The following SH3KBP1 variants were observed in gnomAD, a reference collection of about 807,000 sequenced individuals.
SH3KBP1 encodes the protein SH3 domain containing kinase binding protein 1.
A neutral mutation model predicts 50.1 loss-of-function variants in SH3KBP1; 8 were observed. That is an observed-to-expected ratio of 0.16 (90% CI 0.09 to 0.29). The LOEUF is 0.29. SH3KBP1 is among the 10% of genes least tolerant of loss of function. The pLI, the probability that SH3KBP1 is intolerant of heterozygous loss-of-function variation, is 1.00. For missense variants in SH3KBP1, 377 were observed against 535.2 expected (o/e 0.70, Z 2.92); for synonymous variants, 227 against 218.6 (o/e 1.04, Z -0.34).
intron 7 of SH3KBP1, 107 bp downstream of exon 7, chrX:19,645,293 G>A (rs1475321819): frequency 1.6e-5 from 9 of 580,452 alleles, no homozygotes; most frequent in East Asian, 6.7e-5. Flanking sequence ...TTTCTGATGC[G>A]TTTGCAAAAG....
At chrX:19,789,421 C>T (rs961389818) in intron 2 of SH3KBP1, among the ~76,000 whole-genome samples, 1 of 111,104 alleles carries the variant, frequency 9.0e-6, no homozygotes, top group Non-Finnish European at 1.9e-5. Flanking sequence ...ATACCACAGA[C>T]TAGGGGGGCT....
intron 14 of SH3KBP1, among the ~76,000 whole-genome samples, chrX:19,547,394 G>A (rs775927022): frequency 2.7e-5 from 3 of 111,414 alleles, no homozygotes; most frequent in South Asian, 3.7e-4. Context: ...ACCACTTGGC[G>A]TCATTATAGA....
At chrX:19,853,578 G>A (rs5909334) in intron 1 of SH3KBP1, among the ~76,000 whole-genome samples, 1 of 111,572 alleles carries the variant, frequency 9.0e-6, no homozygotes, top group Non-Finnish European at 1.9e-5. Flanking sequence ...CTAAAAGGAA[G>A]GAAGGACAAT....
intron 13 of SH3KBP1, among the ~76,000 whole-genome samples, chrX:19,566,303 G>GC (rs144848901): frequency 0.2 from 18,878 of 95,457 alleles, 1,865 homozygotes; most frequent in African/African-American, 0.26. Flanking sequence ...AGGTGAACCC[G>GC]CCCCCCCATC....
At chrX:19,621,393 A>G (rs1026487800) in intron 8 of SH3KBP1, among the ~76,000 whole-genome samples, 1 of 109,714 alleles carries the variant, frequency 9.1e-6, no homozygotes, top group African/African-American at 3.3e-5. Flanking sequence ...CCGGTCGCCA[A>G]CACCATTTCT....
intron 15 of SH3KBP1, among the ~76,000 whole-genome samples, chrX:19,542,719 G>A (rs1449388451): frequency 8.9e-6 from 1 of 111,981 alleles, no homozygotes; most frequent in African/African-American, 3.2e-5. Context: ...CCAAGAAGTA[G>A]CCAGAGGAAA....
chrX:19,815,031 C>T (rs1230734413), intron 2 of SH3KBP1, among the ~76,000 whole-genome samples: 1 of 112,128 alleles, frequency 8.9e-6, no homozygotes, highest in Non-Finnish European at 1.9e-5. Flanking sequence ...TGAGAAAGAA[C>T]TGAAACACCT....
chrX:19,798,306 C>A (rs746046980), intron 2 of SH3KBP1, among the ~76,000 whole-genome samples: 3 of 109,761 alleles, frequency 2.7e-5, no homozygotes, highest in Non-Finnish European at 5.7e-5. Context: ...AGGCTGGTCT[C>A]GAACTCCTGG....
intron 12 of SH3KBP1, chrX:19,588,372 C>A: frequency 9.2e-7 from 1 of 1,090,868 alleles, no homozygotes; most frequent in South Asian, 2.6e-5. Flanking sequence ...GGAAAAACCC[C>A]TGTGTGTGAG....
chrX:19,760,029 T>TCTCTC (rs2065342686), intron 2 of SH3KBP1, among the ~76,000 whole-genome samples: 2 of 68,543 alleles, frequency 2.9e-5, no homozygotes, highest in African/African-American at 1.4e-4. Context: ...CTCTCCTCTC[T>TCTCTC]CTCTCTCTCT....
intron 8 of SH3KBP1, among the ~76,000 whole-genome samples, chrX:19,610,783 C>T (rs1031185135): frequency 3.6e-5 from 4 of 112,043 alleles, no homozygotes; most frequent in Non-Finnish European, 7.5e-5. Context: ...GAAATCTTTA[C>T]ATGTGTGAAT....
chrX:19,806,840 A>G (rs1175165376), intron 2 of SH3KBP1, among the ~76,000 whole-genome samples: 1 of 112,217 alleles, frequency 8.9e-6, no homozygotes, highest in Non-Finnish European at 1.9e-5. Context: ...TAGTACGTGA[A>G]TTTTACAACT....
intron 1 of SH3KBP1, among the ~76,000 whole-genome samples, chrX:19,873,315 TATAC>T (rs1363854317): frequency 3.0e-5 from 3 of 100,632 alleles, no homozygotes; most frequent in Non-Finnish European, 5.9e-5. Flanking sequence ...TATATATACA[TATAC>T]ATATATATAC....
chrX:19,884,211 C>G (rs989149848), intron 1 of SH3KBP1, among the ~76,000 whole-genome samples: 1 of 112,701 alleles, frequency 8.9e-6, no homozygotes, highest in Non-Finnish European at 1.9e-5. Context: ...CAGCTACATA[C>G]TGCCATGAGA....
At chrX:19,883,370 C>G (rs761418421) in intron 1 of SH3KBP1, among the ~76,000 whole-genome samples, 1 of 112,720 alleles carries the variant, frequency 8.9e-6, no homozygotes, top group Non-Finnish European at 1.9e-5. Flanking sequence ...TCATGGTTCT[C>G]AGCAGCTTGC....
intron 8 of SH3KBP1, among the ~76,000 whole-genome samples, chrX:19,622,245 A>G (rs185551499): frequency 8.9e-6 from 1 of 112,536 alleles, no homozygotes; most frequent in East Asian, 2.8e-4. Flanking sequence ...AAAATGTTCA[A>G]GCTCGGTAAT....
At chrX:19,603,661 C>A (rs1462025539) in intron 9 of SH3KBP1, among the ~76,000 whole-genome samples, 3 of 112,255 alleles carry the variant, frequency 2.7e-5, no homozygotes, top group Non-Finnish European at 5.6e-5. Context: ...GTGATTTGAA[C>A]AGTTTCTCTT....
intron 1 of SH3KBP1, among the ~76,000 whole-genome samples, chrX:19,879,657 C>T (rs1419369444): frequency 8.9e-6 from 1 of 112,601 alleles, no homozygotes; most frequent in Non-Finnish European, 1.9e-5. Flanking sequence ...TAGGTATCAA[C>T]GGAAGAGAGG....
intron 4 of SH3KBP1, among the ~76,000 whole-genome samples, chrX:19,701,153 G>C (rs1412051625): frequency 1.8e-5 from 2 of 111,520 alleles, no homozygotes; most frequent in Admixed American, 9.5e-5. Context: ...AACAGCCACA[G>C]GTCCCCAAAT....
Sources: gnomAD v4.1 joint callset for allele counts (sites outside exome capture counted in the v4.1 genomes callset) on GRCh38, gnomAD v4.1.1 for gene constraint, MANE v1.5 for transcripts, NCBI Gene and HGNC (gene_info 2026-07-23, HGNC 2026-07-21) for gene names.